AGBL2: variants seen among roughly 807,000 people sequenced by gnomAD.
The protein encoded by AGBL2 is cytosolic carboxypeptidase 2.
In AGBL2, 87 loss-of-function variants were observed where a neutral mutation model predicts 103.0. The ratio of observed to expected loss-of-function variants is 0.84; its 90% CI spans 0.71 to 1.01. AGBL2 has a LOEUF of 1.01. Among genes scored for constraint, AGBL2 ranks in the 50% least tolerant of loss-of-function variants. The probability of loss-of-function intolerance (pLI) is 0.00; values close to 1 mark genes in which losing one functional copy is unlikely to be tolerated. For missense variants in AGBL2, 904 were observed against 1,023.5 expected (o/e 0.88, Z 1.59); for synonymous variants, 335 against 356.7 (o/e 0.94, Z 0.69).
chr11:47,688,147 C>T (rs11039338), intron 10 of AGBL2, among the ~76,000 whole-genome samples: 5 of 152,068 alleles, frequency 3.3e-5, no homozygotes, highest in East Asian at 1.9e-4. Flanking sequence ...ACCTAATACA[C>T]GGGGTCTCAC....
chr11:47,667,634 C>A lies in AGBL2; in HGVS notation c.2277G>T (p.Gln759His), dbSNP rs202194321. 1 of 1,613,866 alleles carries A rather than the reference C, an allele frequency of 6.2e-7. No individual in the cohort carries two copies. Among genetic ancestry groups the A allele is most frequent in the Non-Finnish European group, 8.5e-7 (1 of 1,179,868 alleles). ...TTTTTTTCTGATACTGCTCATTTCG[C>A]TGTTTCCTAGTCTGAAGTGACTTCT... ...KKKKSLQTRKQRNEQYQKKNL... is the reference protein window; with the variant it reads ...KKKKSLQTRKHRNEQYQKKNL... Residue 759 changes from glutamine (Q) to histidine (H), a missense_variant, in exon 16 of 19, where the codon CAG becomes CAT. Physicochemically the swap from Gln to His is conservative, Grantham distance 24. Coordinates refer to ENST00000525123, the MANE Select transcript of AGBL2 (RefSeq NM_024783.4).
chr11:47,681,560 C>T (rs879881748), intron 12 of AGBL2, among the ~76,000 whole-genome samples: 1 of 152,102 alleles, frequency 6.6e-6, no homozygotes, highest in Admixed American at 6.5e-5. Context: ...CTTCACCTCC[C>T]GGGTTCAAGC....
chr11:47,714,642 T>C lies in AGBL2; in HGVS notation c.9A>G (p.Pro3=), dbSNP rs773983383. The C allele has an allele frequency of 1.2e-6, 2 of 1,613,906 alleles. No homozygotes were observed. Among genetic ancestry groups the C allele is most frequent in the Non-Finnish European group, 1.7e-6 (2 of 1,179,996 alleles). ...CCTGCTTTAGGTGCGTTTCCAAAGC[T>C]GGGAACATGTTACTTCTGGATGGTA... The part of the protein sequence containing the change: MF[P]ALETHLKQTI... Residue 3 remains proline, a synonymous_variant, in exon 2 of 19, where the codon CCA becomes CCG. Coordinates refer to ENST00000525123, the MANE Select transcript of AGBL2 (RefSeq NM_024783.4).
chr11:47,699,966 C>CT (rs956260563), intron 7 of AGBL2, among the ~76,000 whole-genome samples: 6 of 145,844 alleles, frequency 4.1e-5, no homozygotes, highest in East Asian at 2.0e-4. Flanking sequence ...TCTTTTCTTT[C>CT]TTTTTTTTTG....
chr11:47,682,027 C>T lies in AGBL2; in HGVS notation c.1857G>A (p.Trp619Ter), dbSNP rs1250032384. ...TGTAGCTGTTTAGGATTCCCATCCG[C>T]CACATAACAACTCGTCCTGTTCCTT... ...CKEGTGRVVMWRMGILNSYTM... is the reference protein window; with the variant it reads ...CKEGTGRVVM Residue 619 changes from tryptophan to a stop codon, truncating the protein, a stop_gained, in exon 12 of 19, where the codon TGG becomes TGA. Transcript: ENST00000525123. LOFTEE classifies it high-confidence loss of function. 4 of 1,614,150 alleles carry T rather than the reference C, an allele frequency of 2.5e-6. No individual in the cohort carries two copies. In the South Asian group the frequency reaches 3.3e-5, roughly 13 times the overall value.
intron 10 of AGBL2, among the ~76,000 whole-genome samples, chr11:47,688,130 A>C (rs1377835184): frequency 6.6e-6 from 1 of 151,936 alleles, no homozygotes; most frequent in Non-Finnish European, 1.5e-5. Flanking sequence ...ATAGCAATGC[A>C]AATACAACCT....
intron 17 of AGBL2, chr11:47,666,584 A>T (rs931492714): frequency 1.4e-5 from 7 of 484,602 alleles, no homozygotes; most frequent in African/African-American, 1.4e-4. Flanking sequence ...TCAAGGTTGC[A>T]TTCACAGCAT....
At chr11:47,692,404 CTTTTTTTTTTT>C (rs11286504) in intron 8 of AGBL2, 148 bp from the exon 9 acceptor site, 11 of 99,060 alleles carry the variant, frequency 1.1e-4, no homozygotes, top group South Asian at 2.6e-4. Flanking sequence ...GACTTTTAAT[CTTTTTTTTTTT>C]TTTTTTTTTT....
chr11:47,703,728 C>CT (rs2097506667), intron 7 of AGBL2, among the ~76,000 whole-genome samples: 1 of 151,666 alleles, frequency 6.6e-6, no homozygotes, highest in Non-Finnish European at 1.5e-5. Context: ...GAGTTCGAGA[C>CT]CAGACTGACC....
At chr11:47,678,335 A>ATTTTTTTTTTTTTTTTTTTTTTTT (rs771416947) in intron 13 of AGBL2, among the ~76,000 whole-genome samples, 2 of 67,816 alleles carry the variant, frequency 2.9e-5, no homozygotes, top group African/African-American at 4.5e-5. Flanking sequence ...ATTTTATTTT[A>ATTTTTTTTTTTTTTTTTTTTTTTT]TTATTTTATT....
At chr11:47,694,093 G>T (rs1281912523) in intron 8 of AGBL2, among the ~76,000 whole-genome samples, 1 of 152,118 alleles carries the variant, frequency 6.6e-6, no homozygotes, top group Non-Finnish European at 1.5e-5. Context: ...AGCTACTCGG[G>T]ATGCTGAGGC....
At chr11:47,679,724 C>G (rs1359060134) in intron 13 of AGBL2, among the ~76,000 whole-genome samples, 1 of 151,666 alleles carries the variant, frequency 6.6e-6, no homozygotes, top group Non-Finnish European at 1.5e-5. Context: ...TCAGTGCAAC[C>G]TCCGCCTCCT....
chr11:47,705,840 C>A, intron 5 of AGBL2, 24 bp downstream of exon 5: 1 of 1,610,838 alleles, frequency 6.2e-7, no homozygotes, highest in Non-Finnish European at 8.5e-7. Flanking sequence ...CTTGAATCTT[C>A]TGGTCTGGAA....
chr11:47,679,905 G>T lies in AGBL2; in HGVS notation c.2016+68C>A. ...AATCCACCCACTTCAGCCTCCCAAA[G>T]TGCTAGGATTACAGGTGTGAGCCAC... On this transcript the variant is annotated intron_variant, in intron 13 of 18. Transcript: ENST00000525123. 5 of 1,034,844 alleles carry T rather than the reference G, an allele frequency of 4.8e-6. No homozygotes were observed. The South Asian group carries it at 6.6e-5, about 14-fold the overall frequency. The allele number at this position is 1,034,844 out of a possible 1,614,324, so 64.1% of individuals were successfully genotyped here.
At chr11:47,687,330 AAC>A (rs2097427917) in intron 10 of AGBL2, among the ~76,000 whole-genome samples, 1 of 151,908 alleles carries the variant, frequency 6.6e-6, no homozygotes, top group African/African-American at 2.4e-5. Context: ...ACTTAATATC[AAC>A]AGAGGGGACA....
intron 3 of AGBL2, 36 bp downstream of exon 3, chr11:47,714,248 C>A (rs1266901279): frequency 6.4e-7 from 1 of 1,561,250 alleles, no homozygotes; most frequent in African/African-American, 1.4e-5. Context: ...CTCTTGAGTC[C>A]AGGAAAGGTG....
At chr11:47,667,929 T>C (rs1164569433) in intron 15 of AGBL2, among the ~76,000 whole-genome samples, 1 of 152,182 alleles carries the variant, frequency 6.6e-6, no homozygotes, top group East Asian at 1.9e-4. Flanking sequence ...GTACTTATGG[T>C]TGGGCATGGT....
chr11:47,687,807 CTTTTTT>C (rs369461728), intron 10 of AGBL2, among the ~76,000 whole-genome samples: 1 of 138,532 alleles, frequency 7.2e-6, no homozygotes, highest in African/African-American at 2.6e-5. Context: ...TTCTTTCTTT[CTTTTTT>C]TTTTTTTTTG....
intron 14 of AGBL2, among the ~76,000 whole-genome samples, chr11:47,669,192 T>C (rs2097349835): frequency 6.6e-6 from 1 of 152,220 alleles, no homozygotes; most frequent in Non-Finnish European, 1.5e-5. Flanking sequence ...CTCAGCCTTC[T>C]GAGCAACTGA....
Sources: gnomAD v4.1 joint callset for allele counts (sites outside exome capture counted in the v4.1 genomes callset) on GRCh38, gnomAD v4.1.1 for gene constraint, MANE v1.5 for transcripts, NCBI Gene and HGNC (gene_info 2026-07-23, HGNC 2026-07-21) for gene names.